The following NAV3 variants were observed in gnomAD, a reference collection of about 807,000 sequenced individuals.
NAV3 encodes the protein neuron navigator 3, also known as pore membrane and/or filament interacting like protein 1.
Under a neutral mutation model 244.7 loss-of-function variants are expected in NAV3, and 87 were observed. The ratio of observed to expected loss-of-function variants is 0.36; its 90% confidence interval spans 0.30 to 0.42. NAV3 has a LOEUF of 0.42. NAV3 is among the 20% of genes least tolerant of loss of function. The probability of loss-of-function intolerance (pLI) is 1.00; values close to 1 mark genes in which losing one functional copy is unlikely to be tolerated. For missense variants in NAV3, 2,663 were observed against 2,893.3 expected (o/e 0.92, Z 1.83); for synonymous variants, 1,126 against 1,042.2 (o/e 1.08, Z -1.55).
Position 78,078,375 on chromosome 12 carries a change from C to CTTTTTTTTTTTTTTTTT in NAV3, c.2636+19282_2636+19298dup. 2.9e-5 allele frequency among the ~76,000 whole-genome samples: 2 copies of CTTTTTTTTTTTTTTTTT among 67,844 alleles called. 1 individual carries two copies. 44.5% of individuals were successfully genotyped at this position (67,844 alleles called of 152,430 possible). A position where few individuals can be genotyped will look rare whatever the true frequency, so the allele number is the denominator to read the frequency against. On this transcript the variant is annotated intron_variant, in intron 12 of 39. Transcript: ENST00000397909. Reference sequence around the variant, plus strand: ...AGAGTTGCATTTCACTCTTTCCACTCTTTTTTTTTTTTTTTTTTTTTTTTT... The same window carrying CTTTTTTTTTTTTTTTTT: ...AGAGTTGCATTTCACTCTTTCCACTCTTTTTTTTTTTTTTTTTTTTTTTTTTTTTTTTTTTTTTTTTT...
intron 3 of NAV3, among the ~76,000 whole-genome samples, chr12:77,948,267 CTTA>C (rs1329879197): frequency 2.0e-5 from 3 of 151,880 alleles, no homozygotes; most frequent in Admixed American, 6.6e-5. Flanking sequence ...AAATGTTGTT[CTTA>C]TTGTTGTCAA....
chr12:78,098,797 A>ATTGAC (rs1342408771), intron 12 of NAV3, among the ~76,000 whole-genome samples: 1 of 151,872 alleles, frequency 6.6e-6, no homozygotes, highest in Non-Finnish European at 1.5e-5. Flanking sequence ...GGACATTGAC[A>ATTGAC]ATGTCTGGAA....
At chr12:78,184,697 CT>C (rs1157887635) in intron 30 of NAV3, among the ~76,000 whole-genome samples, 2 of 151,592 alleles carry the variant, frequency 1.3e-5, no homozygotes, top group African/African-American at 2.4e-5. Flanking sequence ...TAGTCGTAAT[CT>C]TTTTTTCTAT....
At chr12:77,897,833 A>G (rs914112886) in intron 1 of NAV3, among the ~76,000 whole-genome samples, 3 of 152,134 alleles carry the variant, frequency 2.0e-5, no homozygotes, top group African/African-American at 7.2e-5. Context: ...AGAAGCCTCA[A>G]GAGTGTGTAT....
intron 3 of NAV3, among the ~76,000 whole-genome samples, chr12:77,946,926 T>C (rs1421707195): frequency 1.3e-5 from 2 of 152,090 alleles, no homozygotes; most frequent in African/African-American, 2.4e-5. Context: ...TTATGTGAAA[T>C]AGTTACAAAC....
chr12:78,100,466 T>A (rs918250278), intron 12 of NAV3, among the ~76,000 whole-genome samples: 1 of 151,820 alleles, frequency 6.6e-6, no homozygotes, highest in African/African-American at 2.4e-5. Flanking sequence ...GCAAATCCTA[T>A]CATTTTTACC....
intron 2 of NAV3, among the ~76,000 whole-genome samples, chr12:77,731,631 T>C (rs971755887): frequency 3.9e-5 from 6 of 151,944 alleles, no homozygotes; most frequent in Non-Finnish European, 8.8e-5. Context: ...GGAAACAGCA[T>C]GGATATCATT....
intron 2 of NAV3, among the ~76,000 whole-genome samples, chr12:77,627,829 A>G (rs1871707117): frequency 1.3e-5 from 2 of 152,228 alleles, no homozygotes; most frequent in South Asian, 2.1e-4. Flanking sequence ...TATATATACA[A>G]TGGTAAACCG....
rs1247558146 is a variant in NAV3 at position 77,873,276 on chromosome 12, A to G, written c.243+41572A>G. ...ATGAAAATGGATTAATACAATACCC[A>G]TTTCTCAGATTTACTTTTTAGTATA... On this transcript the variant is annotated intron_variant, in intron 1 of 39. Transcript: ENST00000397909. Among the ~76,000 whole-genome samples the G allele has an allele frequency of 7.9e-5, 12 of 152,208 alleles. No homozygotes were observed. In the East Asian group the frequency reaches 1.5e-3, roughly 20 times the overall value.
At chr12:78,158,889 C>T (rs976470993) in intron 22 of NAV3, among the ~76,000 whole-genome samples, 1 of 152,122 alleles carries the variant, frequency 6.6e-6, no homozygotes, top group Non-Finnish European at 1.5e-5. Context: ...TTATATTCGG[C>T]ATTTTGAGTG....
chr12:77,692,648 T>C (rs1420041850), intron 2 of NAV3, among the ~76,000 whole-genome samples: 1 of 152,118 alleles, frequency 6.6e-6, no homozygotes, highest in Non-Finnish European at 1.5e-5. Context: ...TAAAGAAGCA[T>C]GTTTAGCTAT....
chr12:77,793,283 T>C (rs1241194885), intron 2 of NAV3, among the ~76,000 whole-genome samples: 3 of 152,226 alleles, frequency 2.0e-5, no homozygotes, highest in Admixed American at 6.5e-5. Context: ...GAAAAAGAAG[T>C]GGTAAGTATT....
intron 7 of NAV3, among the ~76,000 whole-genome samples, chr12:77,999,939 A>C (rs185847489): frequency 6.6e-6 from 1 of 152,338 alleles, no homozygotes; most frequent in Admixed American, 6.5e-5. Flanking sequence ...CAAAGTGTCC[A>C]ATTAAGCAAC....
intron 2 of NAV3, among the ~76,000 whole-genome samples, chr12:77,779,017 A>G (rs893369596): frequency 2.0e-5 from 3 of 152,246 alleles, no homozygotes; most frequent in Non-Finnish European, 4.4e-5. Context: ...TATAAATTTA[A>G]AAAAGTTTTA....
At chr12:78,003,253 AT>A (rs1479391011) in intron 7 of NAV3, among the ~76,000 whole-genome samples, 3 of 151,878 alleles carry the variant, frequency 2.0e-5, no homozygotes, top group Admixed American at 1.3e-4. Flanking sequence ...CTTCAACTTA[AT>A]TTTTTTAAAG....
chr12:78,198,530 T>C, intron 35 of NAV3, 75 bp from the exon 36 acceptor site: 1 of 852,372 alleles, frequency 1.2e-6, no homozygotes, highest in Non-Finnish European at 1.9e-6. Flanking sequence ...ATCCTAGTAG[T>C]TTTCCAAGAT....
chr12:77,940,469 G>A (rs1440967646), intron 2 of NAV3, 33 bp downstream of exon 2: 19 of 1,536,292 alleles, frequency 1.2e-5, no homozygotes, highest in African/African-American at 2.7e-5. Context: ...AAGCATGAAA[G>A]TCTCTGCTCC....
At chr12:78,118,921 A>T (rs1007109728) in intron 14 of NAV3, among the ~76,000 whole-genome samples, 2 of 152,234 alleles carry the variant, frequency 1.3e-5, no homozygotes, top group African/African-American at 4.8e-5. Context: ...ATTCAAATGA[A>T]TTCTTTTTCT....
chr12:77,903,056 T>C (rs1592950852), intron 1 of NAV3, among the ~76,000 whole-genome samples: 1 of 152,068 alleles, frequency 6.6e-6, no homozygotes, highest in East Asian at 1.9e-4. Context: ...ATCGTGAAAA[T>C]GGCCATACTG....
Sources: allele counts gnomAD v4.1 joint callset (sites outside exome capture counted in the v4.1 genomes callset), GRCh38; gene constraint gnomAD v4.1.1; transcripts MANE v1.5; gene names NCBI Gene and HGNC (gene_info 2026-07-23, HGNC 2026-07-21).